The following LAMA1 variants were observed in gnomAD, a reference collection of about 807,000 sequenced individuals.
LAMA1 encodes the protein laminin subunit alpha-1.
LAMA1 carries 219 observed loss-of-function variants against 348.7 expected under a neutral mutation model. The ratio of observed to expected loss-of-function variants is 0.63; its 90% CI spans 0.56 to 0.70. The LOEUF (loss-of-function observed/expected upper bound fraction) is 0.70, where lower values mean the gene tolerates loss of function less well. Ranked by LOEUF, LAMA1 falls within the 30% of genes least tolerant of loss-of-function variation. The pLI is 0.00. For missense variants in LAMA1, 3,744 were observed against 3,888.0 expected (o/e 0.96, Z 0.99); for synonymous variants, 1,487 against 1,491.0 (o/e 1.00, Z 0.06).
chr18:7,112,584 TTATC>T (rs1346642845), intron 1 of LAMA1, among the ~76,000 whole-genome samples: 1 of 149,246 alleles, frequency 6.7e-6, no homozygotes, highest in African/African-American at 2.6e-5. Flanking sequence ...TAAATGTGGA[TTATC>T]TATTAAAATA....
intron 33 of LAMA1, 121 bp downstream of exon 33, chr18:6,997,621 G>A (rs1054676756): frequency 2.9e-6 from 3 of 1,039,802 alleles, no homozygotes; most frequent in Admixed American, 3.5e-5. Flanking sequence ...GCCCGCAGGG[G>A]CTGATGGAAG....
chr18:7,021,906 TA>T (rs1354329536), intron 19 of LAMA1, among the ~76,000 whole-genome samples: 2 of 146,824 alleles, frequency 1.4e-5, no homozygotes, highest in Non-Finnish European at 3.0e-5. Context: ...TACTAGTAAT[TA>T]TAATAGCTGC....
At position 6,985,343 on chromosome 18, in the gene LAMA1, TG is replaced by T. The variant is rs1175733370; in HGVS notation, c.5553del (p.His1851GlnfsTer2). 1 of 1,614,232 alleles carries T rather than the reference TG, an allele frequency of 6.2e-7. No individual in the cohort carries two copies. The highest frequency in any genetic ancestry group is 8.5e-7 in the Non-Finnish European group (1 of 1,180,046). On this transcript the variant is annotated frameshift_variant, in exon 39 of 63. Transcript: ENST00000389658. LOFTEE classifies it high-confidence loss of function. Reference protein sequence around the residue: ...LLLWSAKIRHHIDDLVMHMSQ... With the variant: ...LLLWSAKIRHXIDDLVMHMSQ... ...GACATGTGCATGACCAGGTCATCTA[TG>T]TGGTGCCTGATTTTGGCAGACCATA...
chr18:7,015,040 G>A (rs1051815658), intron 22 of LAMA1, among the ~76,000 whole-genome samples: 2 of 151,978 alleles, frequency 1.3e-5, no homozygotes, highest in Admixed American at 6.5e-5. Context: ...AGTAGAGACG[G>A]GGTTTCACCG....
intron 1 of LAMA1, among the ~76,000 whole-genome samples, chr18:7,104,842 C>G (rs2058305673): frequency 2.6e-5 from 4 of 152,206 alleles, no homozygotes; most frequent in African/African-American, 9.6e-5. Flanking sequence ...ACTGGCCCTT[C>G]CAGAAGAACC....
chr18:6,980,551 A>G lies in LAMA1; in HGVS notation c.5977T>C (p.Ser1993Pro), dbSNP rs764149276. ...GGAATTGCTCTAAGTATCAAGAGTG[A>G]TTCATTGGTTTGCCTGGTAATTTCA... is the stretch of plus-strand genomic sequence containing the variant. Reference protein sequence around the residue: ...AVEITRQTNESLLILRAIPKG... With the variant: ...AVEITRQTNEPLLILRAIPKG... Residue 1993 changes from serine (S) to proline (P), a missense_variant, in exon 42 of 63, where the codon TCA becomes CCA. Physicochemically the swap from Ser to Pro is moderately conservative, Grantham distance 74 (BLOSUM62 -1). Transcript: ENST00000389658. 1 of 1,611,578 alleles carries G rather than the reference A, an allele frequency of 6.2e-7. No homozygotes were observed. The highest frequency in any genetic ancestry group is 8.5e-7 in the Non-Finnish European group (1 of 1,177,866).
In LAMA1 at chr18:7,010,271, G is replaced by A. The variant is rs2057853548; in HGVS notation, c.3802C>T (p.Gln1268Ter). 3.1e-6 allele frequency: 5 copies of A among 1,614,002 alleles called. No individual in the cohort carries two copies. Among genetic ancestry groups the A allele is most frequent in the African/African-American group, 1.3e-5 (1 of 74,906 alleles). Residue 1268 changes from glutamine (Q) to a stop codon, truncating the protein, a stop_gained, in exon 26 of 63, where the codon CAA becomes TAA. Coordinates refer to ENST00000389658, the MANE Select transcript of LAMA1 (RefSeq NM_005559.4). LOFTEE classifies it high-confidence loss of function. ...VLIKGGRIRK[Q>*]VIYMDAPAPE... The stretch of plus-strand genomic sequence containing the variant: ...GCTGGTGCATCCATGTAAATGACTT[G>A]CTTTCTGATCCGACCACCTTTGATG...
Position 6,955,263 on chromosome 18 carries a change from A to G in LAMA1, c.8207+90T>C, listed in dbSNP as rs572681720. 12 of 978,784 alleles carry G rather than the reference A, an allele frequency of 1.2e-5. No individual in the cohort carries two copies. The Middle Eastern group carries it at 6.1e-4, about 50-fold the overall frequency. 60.6% of individuals were successfully genotyped at this position (978,784 alleles called of 1,614,324 possible). On this transcript the variant is annotated intron_variant, in intron 57 of 62. Coordinates refer to ENST00000389658, the MANE Select transcript of LAMA1 (RefSeq NM_005559.4). The stretch of plus-strand genomic sequence containing the variant: ...AAGCACTTCATCATAAAATAAAAGC[A>G]GGTTCTTTTGGAAAAGACTCTGTGG...
intron 36 of LAMA1, among the ~76,000 whole-genome samples, chr18:6,992,317 A>C (rs1474459934): frequency 3.9e-5 from 6 of 152,206 alleles, no homozygotes; most frequent in African/African-American, 1.2e-4. Flanking sequence ...ACAGAAAAGG[A>C]CAGAAGCTAC....
chr18:6,947,827 C>T (rs986945843), intron 60 of LAMA1, among the ~76,000 whole-genome samples: 13 of 152,102 alleles, frequency 8.5e-5, no homozygotes, highest in Non-Finnish European at 1.6e-4. Flanking sequence ...TTGACAACAG[C>T]AGGCAGTTGT....
At chr18:7,019,128 C>T (rs757581178) in intron 19 of LAMA1, among the ~76,000 whole-genome samples, 3 of 151,972 alleles carry the variant, frequency 2.0e-5, no homozygotes, top group African/African-American at 7.3e-5. Flanking sequence ...CTCCCTGGCA[C>T]GTCCGTCCAA....
chr18:6,943,965 A>G (rs1461850290), intron 61 of LAMA1, among the ~76,000 whole-genome samples: 4 of 152,054 alleles, frequency 2.6e-5, no homozygotes, highest in African/African-American at 9.7e-5. Flanking sequence ...GAGGGCCTCA[A>G]TTTTAGGACA....
chr18:6,997,928 T>C (rs1178316669), intron 32 of LAMA1, 44 bp from the exon 33 acceptor site: 1 of 1,589,590 alleles, frequency 6.3e-7, no homozygotes, highest in Admixed American at 1.7e-5. Flanking sequence ...GTTAATGCGA[T>C]GTGGTCTGCC....
rs369294134 is a variant in LAMA1, at chr18:7,023,335, C to T, written c.2530G>A (p.Glu844Lys). Residue 844 changes from glutamate (E) to lysine (K), a missense_variant, in exon 19 of 63, where the codon GAA becomes AAA. By Grantham distance (56) the Glu-to-Lys change is moderately conservative. Transcript: ENST00000389658. ...CTGCAGTCACAGGGAACACAAGATTCGCCAGGCACTGTTGGGTTTCCATAG... is the reference window on the plus strand; with the variant it reads ...CTGCAGTCACAGGGAACACAAGATTTGCCAGGCACTGTTGGGTTTCCATAG... ...GYYGNPTVPGESCVPCDCSGN... is the reference protein window; with the variant it reads ...GYYGNPTVPGKSCVPCDCSGN... 7.4e-5 allele frequency: 119 copies of T among 1,614,038 alleles called. No homozygotes were observed. The highest frequency in any genetic ancestry group is 9.2e-5 in the Non-Finnish European group (109 of 1,180,048).
At chr18:7,057,460 T>C (rs1288649308) in intron 3 of LAMA1, among the ~76,000 whole-genome samples, 2 of 136,210 alleles carry the variant, frequency 1.5e-5, no homozygotes, top group Non-Finnish European at 3.1e-5. Context: ...TTCTTTCTTT[T>C]CTTTTCTTTT....
intron 46 of LAMA1, among the ~76,000 whole-genome samples, chr18:6,974,430 C>T: frequency 6.7e-6 from 1 of 149,940 alleles, no homozygotes; most frequent in African/African-American, 2.5e-5. Flanking sequence ...AGTTCTGTCA[C>T]TTGTAACAAA....
chr18:7,025,173 A>G (rs1047110895), intron 17 of LAMA1, among the ~76,000 whole-genome samples: 1 of 152,170 alleles, frequency 6.6e-6, no homozygotes, highest in East Asian at 1.9e-4. Flanking sequence ...CACTTGCCCC[A>G]GTGTGACTAT....
At chr18:7,008,925 T>C (rs557668066) in intron 27 of LAMA1, among the ~76,000 whole-genome samples, 6 of 152,348 alleles carry the variant, frequency 3.9e-5, no homozygotes, top group Non-Finnish European at 5.9e-5. Flanking sequence ...GCATTCTTTA[T>C]ACATCACTAC....
At chr18:7,069,190 T>C (rs28452107) in intron 3 of LAMA1, among the ~76,000 whole-genome samples, 72 of 152,290 alleles carry the variant, frequency 4.7e-4, no homozygotes, top group Middle Eastern at 6.8e-3. Context: ...ACCGATAATA[T>C]GTAAGCGAGA....
Sources: gnomAD v4.1 joint callset for allele counts (sites outside exome capture counted in the v4.1 genomes callset) on GRCh38, gnomAD v4.1.1 for gene constraint, MANE v1.5 for transcripts, NCBI Gene and HGNC (gene_info 2026-07-23, HGNC 2026-07-21) for gene names.